The following ATP8A1 variants were observed in gnomAD, a reference collection of about 807,000 sequenced individuals.
ATP8A1 encodes the protein ATPase phospholipid transporting 8A1.
A neutral mutation model predicts 177.7 loss-of-function variants in ATP8A1; 90 were observed. That is an observed-to-expected ratio of 0.51 (90% CI 0.43 to 0.60). ATP8A1 has a LOEUF of 0.60. Ranked by LOEUF, ATP8A1 falls within the 20% of genes least tolerant of loss-of-function variation. The probability of loss-of-function intolerance (pLI) is 0.00; values close to 1 mark genes in which losing one functional copy is unlikely to be tolerated. For synonymous variants in ATP8A1, 493 were observed against 485.9 expected, an observed-to-expected ratio of 1.01 and a Z score of -0.19; for missense variants, 1,072 against 1,392.8, an observed-to-expected ratio of 0.77 and a Z score of 3.67.
rs1712355181 is a variant in ATP8A1, at chr4:42,409,512, T to C, written c.*3404A>G. ...CTTAAGTCATTTACAAAAGAATTCC[T>C]GGTCCATGTGATGTGAATGGGCTGG... On this transcript the variant is annotated 3_prime_UTR_variant, in exon 37 of 37. Transcript: ENST00000381668. 2 of 152,170 alleles carry C rather than the reference T, an allele frequency of 1.3e-5. No individual in the cohort carries two copies. Among genetic ancestry groups the C allele is most frequent in the African/African-American group, 4.8e-5 (2 of 41,456 alleles). 9.4% of individuals were successfully genotyped at this position (152,170 alleles called of 1,614,324 possible).
intron 5 of ATP8A1, among the ~76,000 whole-genome samples, chr4:42,607,126 G>A (rs927489163): frequency 6.6e-6 from 1 of 152,174 alleles, no homozygotes; most frequent in African/African-American, 2.4e-5. Context: ...AACACTTGCT[G>A]CATGGGCCTG....
chr4:42,633,684 G>T (rs1029204032), intron 1 of ATP8A1, among the ~76,000 whole-genome samples: 1 of 152,200 alleles, frequency 6.6e-6, no homozygotes, highest in Non-Finnish European at 1.5e-5. Context: ...CTCAAAGGGT[G>T]GTTGTAAGGA....
chr4:42,454,635 AG>A, intron 29 of ATP8A1, among the ~76,000 whole-genome samples: 1 of 152,160 alleles, frequency 6.6e-6, no homozygotes, highest in East Asian at 1.9e-4. Context: ...ATATACTTGC[AG>A]GAAAGTAAAC....
At chr4:42,475,971 C>T (rs1439713622) in intron 25 of ATP8A1, among the ~76,000 whole-genome samples, 2 of 151,876 alleles carry the variant, frequency 1.3e-5, no homozygotes, top group Non-Finnish European at 2.9e-5. Context: ...CCCGGGGAGG[C>T]AGAGGTTGCA....
At chr4:42,591,905 AATC>A (rs1174550129) in intron 6 of ATP8A1, among the ~76,000 whole-genome samples, 1 of 152,166 alleles carries the variant, frequency 6.6e-6, no homozygotes, top group African/African-American at 2.4e-5. Context: ...TGCGGGTAAA[AATC>A]ATCATGTACT....
intron 4 of ATP8A1, among the ~76,000 whole-genome samples, chr4:42,618,689 C>T (rs1264344930): frequency 6.6e-6 from 1 of 152,184 alleles, no homozygotes; most frequent in African/African-American, 2.4e-5. Context: ...GACAAAACCC[C>T]TTCCTTGCAT....
chr4:42,464,692 C>G lies in ATP8A1; in HGVS notation c.2617G>C (p.Glu873Gln). 1 of 1,562,462 alleles carries G rather than the reference C, an allele frequency of 6.4e-7. No homozygotes were observed. The change falls in exon 27 of 37, where the codon GAG (glutamate) becomes CAG (glutamine). Residue 873 changes from glutamate to glutamine, a missense_variant and splice_region_variant. Transcript: ENST00000381668. ...TTTAAAATTTAACCTGCTATTACCT[C>G]GATAATATAGAGCACTATATTCTTG... is the stretch of plus-strand genomic sequence containing the variant. ...FYKNIVLYII[E>Q]IWFAFVNGFS...
intron 1 of ATP8A1, among the ~76,000 whole-genome samples, chr4:42,642,558 G>C (rs1057492582): frequency 8.5e-5 from 13 of 152,180 alleles, no homozygotes; most frequent in Non-Finnish European, 1.9e-4. Context: ...AGACTGAAAA[G>C]ACCCAGCACA....
In ATP8A1 at chr4:42,581,623, G is replaced by C. The variant is rs1369483216; in HGVS notation, c.832C>G (p.Gln278Glu). The change falls in exon 10 of 37, where the codon CAG (glutamine) becomes GAG (glutamate). Residue 278 changes from glutamine (Q) to glutamate (E), a missense_variant and splice_region_variant. By Grantham distance (29) the Gln-to-Glu change is conservative. Transcript: ENST00000381668. ...GGTTTCATAGAGAAAAATTTCACCT[G>C]CATCAGCTTGGTGTCATGTCCAGTG... The part of the protein sequence containing the change: ...VYTGHDTKLM[Q>E]NSTSPPLKLS... 1.9e-6 allele frequency: 3 copies of C among 1,611,612 alleles called. No individual in the cohort carries two copies. Among genetic ancestry groups the C allele is most frequent in the Non-Finnish European group, 1.7e-6 (2 of 1,177,858 alleles).
At position 42,505,356 on chromosome 4, in the gene ATP8A1, A is replaced by G. The variant is rs190936520; in HGVS notation, c.2086+1660T>C. On this transcript the variant is annotated intron_variant, in intron 23 of 36. Coordinates refer to ENST00000381668, the MANE Select transcript of ATP8A1 (RefSeq NM_006095.2). ...TACTATACTCTTTTTTCATAGGAAC[A>G]TTCATAATGGTGAACATATCCTGAA... is the stretch of plus-strand genomic sequence containing the variant. 5.3e-5 allele frequency among the ~76,000 whole-genome samples: 8 copies of G among 152,306 alleles called. No individual in the cohort carries two copies. The East Asian group carries it at 1.2e-3, about 22-fold the overall frequency.
At chr4:42,554,419 A>G (rs1445028851) in intron 16 of ATP8A1, among the ~76,000 whole-genome samples, 1 of 152,190 alleles carries the variant, frequency 6.6e-6, no homozygotes, top group South Asian at 2.1e-4. Context: ...TGATTTACTG[A>G]AAGCTGAGAA....
chr4:42,540,424 G>A (rs1728266779), intron 20 of ATP8A1, among the ~76,000 whole-genome samples: 2 of 151,382 alleles, frequency 1.3e-5, no homozygotes, highest in Admixed American at 1.3e-4. Context: ...CCACTACTGG[G>A]TAAGTACCCA....
rs144292134 is a variant in ATP8A1 at position 42,530,946 on chromosome 4, T to C, written c.1723-6099A>G. Among the ~76,000 whole-genome samples, 15 of 152,320 alleles carry C rather than the reference T, an allele frequency of 9.8e-5. No individual in the cohort carries two copies. In the East Asian group the frequency reaches 1.5e-3, roughly 16 times the overall value. ...TGTTCTGCTGGCCTAGAGGTCTTAG[T>C]TCCAGAGGGAGGAACACTGTTATCA... On this transcript the variant is annotated intron_variant, in intron 20 of 36. Transcript: ENST00000381668.
At chr4:42,439,405 A>G (rs934409965) in intron 33 of ATP8A1, among the ~76,000 whole-genome samples, 1 of 152,206 alleles carries the variant, frequency 6.6e-6, no homozygotes, top group African/African-American at 2.4e-5. Context: ...TGTTGGAAAG[A>G]TGTACTTATG....
chr4:42,507,780 TAAAAAAAAAAAAAAAAAAA>T, intron 22 of ATP8A1, among the ~76,000 whole-genome samples: 3 of 17,700 alleles, frequency 1.7e-4, no homozygotes, highest in East Asian at 3.4e-3. Flanking sequence ...ACAGGCATTC[TAAAAAAAAAAAAAAAAAAA>T]AAAAAAAAAA....
intron 21 of ATP8A1, 61 bp from the exon 22 acceptor site, chr4:42,522,360 TTC>T: frequency 6.4e-7 from 1 of 1,572,938 alleles, no homozygotes; most frequent in Non-Finnish European, 8.6e-7. Flanking sequence ...AGTCTGAGGT[TTC>T]TGTTTTTATT....
rs575196447 is a variant in ATP8A1 at position 42,411,983 on chromosome 4, C to A, written c.*933G>T. On this transcript the variant is annotated 3_prime_UTR_variant, in exon 37 of 37. Transcript: ENST00000381668. ...AAGCTTTGGAAATCCCACGTAAATA[C>A]GTAGCATATGTTTCTTAAGAGGAAA... is the stretch of plus-strand genomic sequence containing the variant. 1.3e-5 allele frequency: 2 copies of A among 152,256 alleles called. No homozygotes were observed. The highest frequency in any genetic ancestry group is 4.8e-5 in the African/African-American group (2 of 41,554). The allele number at this position is 152,256 out of a possible 1,614,324, so 9.4% of individuals were successfully genotyped here.
At chr4:42,508,528 T>C (rs190155092) in intron 22 of ATP8A1, among the ~76,000 whole-genome samples, 79 of 152,378 alleles carry the variant, frequency 5.2e-4, no homozygotes, top group Non-Finnish European at 6.5e-4. Context: ...TAGGGAAACC[T>C]GGTTTGCCAA....
intron 5 of ATP8A1, among the ~76,000 whole-genome samples, chr4:42,605,129 C>G (rs954799185): frequency 1.6e-4 from 25 of 152,158 alleles, no homozygotes; most frequent in East Asian, 9.6e-4. Flanking sequence ...GCACTAAACA[C>G]CCCTGAACTG....
Sources: gnomAD v4.1 joint callset for allele counts (sites outside exome capture counted in the v4.1 genomes callset) on GRCh38, gnomAD v4.1.1 for gene constraint, MANE v1.5 for transcripts, NCBI Gene and HGNC (gene_info 2026-07-23, HGNC 2026-07-21) for gene names.